Variants in SAMMSON observed in about 807,000 individuals in gnomAD.
SAMMSON encodes the protein long intergenic non-protein coding RNA 1212.
intron 7 of SAMMSON, among the ~76,000 whole-genome samples, chr3:70,317,506 A>G (rs796974002): frequency 1.3e-5 from 2 of 152,034 alleles, no homozygotes; most frequent in African/African-American, 4.8e-5. Flanking sequence ...TAACCAAAAA[A>G]TAGGTGTGAC....
intron 1 of SAMMSON, among the ~76,000 whole-genome samples, chr3:70,005,930 T>C (rs1017714454): frequency 2.0e-5 from 3 of 152,210 alleles, no homozygotes; most frequent in Non-Finnish European, 4.4e-5. Context: ...GCCACCCCTA[T>C]AGAAACTTGC....
At chr3:70,385,805 C>T in intron 9 of SAMMSON, among the ~76,000 whole-genome samples, 1 of 152,092 alleles carries the variant, frequency 6.6e-6, no homozygotes, top group East Asian at 1.9e-4. Flanking sequence ...ACAGATATGT[C>T]ATCTTAACTT....
intron 2 of SAMMSON, among the ~76,000 whole-genome samples, chr3:70,410,144 G>GA (rs1390659779): frequency 3.9e-5 from 6 of 152,158 alleles, no homozygotes; most frequent in African/African-American, 1.2e-4. Context: ...TCTGGACTTT[G>GA]AATATCTAGT....
intron 3 of SAMMSON, chr3:70,065,294 A>C (rs2067205520): frequency 1.3e-5 from 2 of 152,162 alleles, no homozygotes; most frequent in Admixed American, 6.5e-5. Context: ...GATAATTAAC[A>C]TAGCAACTCT....
intron 9 of SAMMSON, among the ~76,000 whole-genome samples, chr3:70,374,637 C>G (rs1178366177): frequency 6.6e-6 from 1 of 152,082 alleles, no homozygotes; most frequent in Non-Finnish European, 1.5e-5. Flanking sequence ...CCACTGACAC[C>G]ATGAGGAAGA....
chr3:70,317,598 A>G (rs1250005491), intron 7 of SAMMSON, among the ~76,000 whole-genome samples: 1 of 151,286 alleles, frequency 6.6e-6, no homozygotes, highest in African/African-American at 2.4e-5. Flanking sequence ...ATCTGTATGT[A>G]TATATATATG....
At chr3:70,035,072 A>T (rs2067080329) in intron 3 of SAMMSON, among the ~76,000 whole-genome samples, 2 of 151,952 alleles carry the variant, frequency 1.3e-5, no homozygotes, top group Admixed American at 1.3e-4. Flanking sequence ...CCAAATTAGG[A>T]TGTTTACCTG....
At chr3:70,166,803 T>C (rs1237818618) in intron 4 of SAMMSON, among the ~76,000 whole-genome samples, 1 of 152,000 alleles carries the variant, frequency 6.6e-6, no homozygotes, top group African/African-American at 2.4e-5. Flanking sequence ...ATTTGAATCA[T>C]TGATGTCCAT....
rs191078757 is a variant in SAMMSON at position 70,074,159 on chromosome 3, C to T, written n.507+2594C>T. ...AAAACAATGACTAGCTTTGGAATTA[C>T]GTAATTCTTATGTTTTGTTTTGCCT... is the stretch of plus-strand genomic sequence containing the variant. On this transcript the variant is annotated intron_variant and non_coding_transcript_variant, in intron 4 of 9. Transcript: ENST00000642114. 7.3e-3 allele frequency among the ~76,000 whole-genome samples: 1,108 copies of T among 151,992 alleles called. 13 individuals are homozygous for T. The highest frequency in any genetic ancestry group is 0.024 in the African/African-American group (982 of 41,496).
At chr3:70,078,334 CA>C (rs1242058869) in intron 4 of SAMMSON, among the ~76,000 whole-genome samples, 4 of 151,896 alleles carry the variant, frequency 2.6e-5, no homozygotes, top group Non-Finnish European at 4.4e-5. Flanking sequence ...TAGGGTTCTG[CA>C]AAAAAATTAG....
At chr3:70,421,293 C>A (rs2106774480) in intron 2 of SAMMSON, among the ~76,000 whole-genome samples, 1 of 152,228 alleles carries the variant, frequency 6.6e-6, no homozygotes, top group East Asian at 1.9e-4. Flanking sequence ...ATTCATCTGA[C>A]AAACAGCTTT....
At chr3:70,011,036 G>C (rs898352529) in intron 1 of SAMMSON, among the ~76,000 whole-genome samples, 3 of 152,056 alleles carry the variant, frequency 2.0e-5, no homozygotes, top group Admixed American at 1.3e-4. Flanking sequence ...TTCAAGGTGA[G>C]AGCCAAACTA....
intron 3 of SAMMSON, among the ~76,000 whole-genome samples, chr3:70,044,960 ATTAG>A (rs1276624075): frequency 0.013 from 1,802 of 138,626 alleles, 74 homozygotes; most frequent in African/African-American, 0.046. Context: ...CTTTAATTAT[ATTAG>A]AGTATTACAT....
At position 70,407,280 on chromosome 3, in the gene SAMMSON, C is replaced by G. The variant is rs551934412; in HGVS notation, n.233+48956C>G. ...CTCCAAATCTCATGTCCTCACATTT[C>G]AAAACCAATCATACTTTCCCAACAG... On this transcript the variant is annotated intron_variant and non_coding_transcript_variant, in intron 2 of 3. Transcript: ENST00000641053. 6.6e-5 allele frequency among the ~76,000 whole-genome samples: 10 copies of G among 152,168 alleles called. 1 individual carries two copies. Among genetic ancestry groups the G allele is most frequent in the Non-Finnish European group, 1.2e-4 (8 of 68,044 alleles).
chr3:70,371,595 T>G (rs115687674), intron 9 of SAMMSON, among the ~76,000 whole-genome samples: 2,484 of 152,210 alleles, frequency 0.016, 68 homozygotes, highest in African/African-American at 0.057. Context: ...TATTTTTTAA[T>G]AGCTATTGTA....
chr3:70,150,731 T>C (rs1362522258), intron 4 of SAMMSON, among the ~76,000 whole-genome samples: 2 of 152,090 alleles, frequency 1.3e-5, no homozygotes, highest in African/African-American at 4.8e-5. Flanking sequence ...TGTAATACCA[T>C]TGTTTTAGCT....
intron 9 of SAMMSON, among the ~76,000 whole-genome samples, chr3:70,376,959 A>C (rs2106749306): frequency 6.6e-6 from 1 of 152,278 alleles, no homozygotes; most frequent in South Asian, 2.1e-4. Context: ...AACTGCAGAA[A>C]TATTCTTATT....
intron 4 of SAMMSON, among the ~76,000 whole-genome samples, chr3:70,139,224 A>T (rs906049121): frequency 2.0e-5 from 3 of 152,160 alleles, no homozygotes; most frequent in African/African-American, 7.2e-5. Flanking sequence ...TTTTGTAGAG[A>T]TGGGGTCTTG....
At chr3:70,086,878 A>T (rs1182619532) in intron 4 of SAMMSON, among the ~76,000 whole-genome samples, 1 of 152,224 alleles carries the variant, frequency 6.6e-6, no homozygotes, top group Non-Finnish European at 1.5e-5. Context: ...AATCCCCATG[A>T]CAATCCCAGG....
Sources: gnomAD v4.1 joint callset for allele counts (sites outside exome capture counted in the v4.1 genomes callset) on GRCh38, gnomAD v4.1.1 for gene constraint, MANE v1.5 for transcripts, NCBI Gene and HGNC (gene_info 2026-07-23, HGNC 2026-07-21) for gene names.